The following FBXL4 variants were observed in gnomAD, a reference collection of about 807,000 sequenced individuals.
FBXL4 encodes the protein F-box/LRR-repeat protein 4.
In FBXL4, 40 loss-of-function variants were observed where a neutral mutation model predicts 58.9. The ratio of observed to expected loss-of-function variants is 0.68; its 90% CI spans 0.53 to 0.88. The LOEUF (loss-of-function observed/expected upper bound fraction) is 0.88. FBXL4 is among the 40% of genes least tolerant of loss of function. The probability of loss-of-function intolerance (pLI) is 0.00; values close to 1 mark genes in which losing one functional copy is unlikely to be tolerated. For missense variants in FBXL4, 676 were observed against 734.4 expected (o/e 0.92, Z 0.92); for synonymous variants, 263 against 265.5 (o/e 0.99, Z 0.09).
intron 7 of FBXL4, chr6:98,896,660 T>C (rs995014868): frequency 7.8e-5 from 43 of 550,722 alleles, no homozygotes; most frequent in Admixed American, 2.5e-4. Context: ...ATATTCAATG[T>C]CAGAAAAATT....
In FBXL4 at chr6:98,869,460, G is replaced by C. The variant is rs967951881; in HGVS notation, c.*4818C>G. 6.6e-6 allele frequency: 1 copy of C among 152,114 alleles called. No individual in the cohort carries two copies. The highest frequency in any genetic ancestry group is 1.5e-5 in the Non-Finnish European group (1 of 68,042). The allele number at this position is 152,114 out of a possible 1,614,324, so 9.4% of individuals were successfully genotyped here. On this transcript the variant is annotated 3_prime_UTR_variant, in exon 10 of 10. Transcript: ENST00000369244. ...CCAACATAGGCAACATGGAAAGACT[G>C]TGTCTCTATAAAAAATAAAAAAATT...
chr6:98,944,396 A>G (rs1773543969), intron 1 of FBXL4, among the ~76,000 whole-genome samples: 1 of 152,248 alleles, frequency 6.6e-6, no homozygotes, highest in Admixed American at 6.5e-5. Flanking sequence ...CAGAAACCTA[A>G]GCAAGGGATA....
At chr6:98,890,168 T>C (rs1302040941) in intron 7 of FBXL4, among the ~76,000 whole-genome samples, 2 of 152,202 alleles carry the variant, frequency 1.3e-5, no homozygotes, top group Non-Finnish European at 2.9e-5. Context: ...TGTTAAGAAT[T>C]GTTGGTTATC....
chr6:98,942,260 A>C (rs1242794776), intron 1 of FBXL4, among the ~76,000 whole-genome samples: 2 of 152,168 alleles, frequency 1.3e-5, no homozygotes. Flanking sequence ...TATTCAAGTA[A>C]CAGTGACCTT....
At chr6:98,915,658 C>CA (rs1382525397) in intron 5 of FBXL4, among the ~76,000 whole-genome samples, 1 of 152,056 alleles carries the variant, frequency 6.6e-6, no homozygotes, top group Non-Finnish European at 1.5e-5. Context: ...ACACCTTATT[C>CA]AAAAATTAAT....
chr6:98,944,940 A>C (rs1326093221), intron 1 of FBXL4, among the ~76,000 whole-genome samples: 2 of 152,190 alleles, frequency 1.3e-5, no homozygotes, highest in African/African-American at 2.4e-5. Context: ...TCTCTGAGTC[A>C]GGAGTCTCAT....
At chr6:98,931,015 T>C (rs911791789) in intron 2 of FBXL4, among the ~76,000 whole-genome samples, 12 of 152,234 alleles carry the variant, frequency 7.9e-5, no homozygotes, top group African/African-American at 2.2e-4. Flanking sequence ...TAGAAGACTA[T>C]GGATGTGTTA....
chr6:98,938,040 C>G (rs1004733000), intron 1 of FBXL4, among the ~76,000 whole-genome samples: 23 of 86,406 alleles, frequency 2.7e-4, no homozygotes, highest in Admixed American at 2.2e-3. Context: ...CCCCCTGCAC[C>G]CTTTTTTTTT....
chr6:98,929,020 G>T (rs971398595), intron 2 of FBXL4, among the ~76,000 whole-genome samples: 5 of 151,944 alleles, frequency 3.3e-5, no homozygotes, highest in Admixed American at 3.3e-4. Flanking sequence ...CTTGAAGGAG[G>T]GAATCTAGCC....
intron 7 of FBXL4, among the ~76,000 whole-genome samples, chr6:98,885,892 C>T (rs903488781): frequency 1.4e-4 from 21 of 152,194 alleles, no homozygotes; most frequent in Admixed American, 5.2e-4. Flanking sequence ...AACTTGATCC[C>T]TTGTGGGGAA....
intron 2 of FBXL4, among the ~76,000 whole-genome samples, chr6:98,932,147 A>T (rs1012697304): frequency 2.6e-5 from 4 of 152,206 alleles, no homozygotes; most frequent in African/African-American, 9.7e-5. Flanking sequence ...TTCATTCAAA[A>T]AGCTACTTTA....
At position 98,890,287 on chromosome 6, in the gene FBXL4, G is replaced by A. The variant is rs559154028; in HGVS notation, c.1317+8981C>T. Among the ~76,000 whole-genome samples, 25 of 152,076 alleles carry A rather than the reference G, an allele frequency of 1.6e-4. No homozygotes were observed. The South Asian group carries it at 5.2e-3, about 32-fold the overall frequency. On this transcript the variant is annotated intron_variant, in intron 7 of 9. Coordinates refer to ENST00000369244, the MANE Select transcript of FBXL4 (RefSeq NM_001278716.2). ...GATTCCTAGAAAGCATATTAATAAGGGATAGGTAACAAGTGTACATATTAC... is the reference window on the plus strand; with the variant it reads ...GATTCCTAGAAAGCATATTAATAAGAGATAGGTAACAAGTGTACATATTAC...
chr6:98,936,131 G>A (rs1773209043), intron 1 of FBXL4, among the ~76,000 whole-genome samples: 3 of 152,110 alleles, frequency 2.0e-5, no homozygotes, highest in Admixed American at 2.0e-4. Flanking sequence ...TGCCATTATA[G>A]CTAAAATAGC....
intron 7 of FBXL4, among the ~76,000 whole-genome samples, chr6:98,894,426 A>T (rs1042002523): frequency 1.3e-5 from 2 of 152,172 alleles, no homozygotes; most frequent in African/African-American, 4.8e-5. Context: ...CTGTCTATTC[A>T]ACTCTAAAAG....
rs1772818057 is a variant in FBXL4 at position 98,927,042 on chromosome 6, G to A, written c.-54C>T. ...GTCAGGTGTCCTCAGTAAGATGCAT[G>A]AACTCTTTGAAGGATGTTCTAAAAA... On this transcript the variant is annotated 5_prime_UTR_variant, in exon 4 of 10. Transcript: ENST00000369244. The A allele has an allele frequency of 6.5e-7, 1 of 1,534,462 alleles. No individual in the cohort carries two copies. Among genetic ancestry groups the A allele is most frequent in the South Asian group, 1.2e-5 (1 of 82,240 alleles).
chr6:98,876,626 CTAAT>C (rs1770672150), intron 8 of FBXL4, among the ~76,000 whole-genome samples: 2 of 151,994 alleles, frequency 1.3e-5, no homozygotes, highest in African/African-American at 4.8e-5. Context: ...GACACACAGA[CTAAT>C]TAAGGAAAAA....
At chr6:98,915,331 T>C (rs1772295514) in intron 5 of FBXL4, among the ~76,000 whole-genome samples, 1 of 152,268 alleles carries the variant, frequency 6.6e-6, no homozygotes, top group African/African-American at 2.4e-5. Flanking sequence ...TTAAAGTTCA[T>C]ATGGAAACAA....
intron 5 of FBXL4, among the ~76,000 whole-genome samples, chr6:98,916,793 A>T (rs1034920288): frequency 6.6e-6 from 1 of 151,348 alleles, no homozygotes; most frequent in Non-Finnish European, 1.5e-5. Context: ...CATTGTGCAC[A>T]TGTACCCTAA....
intron 8 of FBXL4, among the ~76,000 whole-genome samples, chr6:98,878,381 G>A (rs1263571902): frequency 6.6e-6 from 1 of 152,174 alleles, no homozygotes; most frequent in East Asian, 1.9e-4. Flanking sequence ...AAAACTCTAA[G>A]ACCAGGCTGG....
Sources: allele counts gnomAD v4.1 joint callset (sites outside exome capture counted in the v4.1 genomes callset), GRCh38; gene constraint gnomAD v4.1.1; transcripts MANE v1.5; gene names NCBI Gene and HGNC (gene_info 2026-07-23, HGNC 2026-07-21).